Variants in CFAP61 observed in about 807,000 individuals in gnomAD.
CFAP61 encodes cilia and flagella associated protein 61, also known as cilia- and flagella-associated protein 61.
A neutral mutation model predicts 135.6 loss-of-function variants in CFAP61; 107 were observed. The ratio of observed to expected loss-of-function variants is 0.79; its 90% CI spans 0.67 to 0.93. CFAP61 has a LOEUF of 0.93. Ranked by LOEUF, CFAP61 falls within the 40% of genes least tolerant of loss-of-function variation. The pLI is 0.00. For missense variants in CFAP61, 1,507 were observed against 1,556.2 expected (o/e 0.97, Z 0.53); for synonymous variants, 575 against 578.5 (o/e 0.99, Z 0.09).
chr20:20,055,256 A>C (rs2044219358), intron 1 of CFAP61, among the ~76,000 whole-genome samples: 2 of 152,156 alleles, frequency 1.3e-5, no homozygotes, highest in Admixed American at 1.3e-4. Context: ...CTATCATCTA[A>C]AGTTCTTGGT....
At chr20:20,064,694 A>G (rs147922212) in intron 2 of CFAP61, among the ~76,000 whole-genome samples, 2 of 152,328 alleles carry the variant, frequency 1.3e-5, no homozygotes, top group East Asian at 1.9e-4. Context: ...GCAATTAACT[A>G]TGAAACTGTG....
At chr20:20,168,242 T>C (rs1008316314) in intron 12 of CFAP61, among the ~76,000 whole-genome samples, 2 of 151,916 alleles carry the variant, frequency 1.3e-5, no homozygotes, top group African/African-American at 4.8e-5. Flanking sequence ...AAAAAAAAAA[T>C]TGTAGAAATG....
intron 11 of CFAP61, among the ~76,000 whole-genome samples, chr20:20,166,017 C>T (rs912266859): frequency 3.3e-5 from 5 of 152,166 alleles, no homozygotes; most frequent in Non-Finnish European, 7.3e-5. Context: ...GAATGTACAT[C>T]TACAGCTAGT....
chr20:20,319,709 C>T (rs1374989095), intron 25 of CFAP61, among the ~76,000 whole-genome samples: 3 of 152,190 alleles, frequency 2.0e-5, no homozygotes, highest in Non-Finnish European at 4.4e-5. Context: ...TTCTTTATAG[C>T]AGTGCAAGAA....
At chr20:20,136,388 T>C (rs886372282) in intron 8 of CFAP61, among the ~76,000 whole-genome samples, 2 of 152,158 alleles carry the variant, frequency 1.3e-5, no homozygotes, top group Non-Finnish European at 2.9e-5. Flanking sequence ...CCTTTGAGGC[T>C]ATTTTCTAGA....
intron 26 of CFAP61, among the ~76,000 whole-genome samples, chr20:20,348,896 A>C (rs2122422363): frequency 6.6e-6 from 1 of 152,160 alleles, no homozygotes; most frequent in South Asian, 2.1e-4. Flanking sequence ...CTCAGTAATG[A>C]ATTACTGAAA....
chr20:20,090,957 A>C lies in CFAP61; in HGVS notation c.680A>C (p.Asn227Thr). 1 of 1,614,174 alleles carries C rather than the reference A, an allele frequency of 6.2e-7. No individual in the cohort carries two copies. Among genetic ancestry groups the C allele is most frequent in the South Asian group, 1.1e-5 (1 of 91,082 alleles). ...AELIEAQDEE[N>T]HAVVCEVEGT... ...CTAATAGAGGCCCAAGATGAAGAGA[A>C]TCATGCTGTTGTGTGTGAGGTCAGT... The change falls in exon 7 of 27, where the codon AAT becomes ACT. Residue 227 changes from asparagine to threonine, a missense_variant. Transcript: ENST00000245957.
chr20:20,347,268 A>C (rs977335744), intron 26 of CFAP61, among the ~76,000 whole-genome samples: 2 of 152,260 alleles, frequency 1.3e-5, no homozygotes, highest in Admixed American at 6.5e-5. Context: ...TAAAGCTATA[A>C]GTGCCTACAT....
chr20:20,268,205 C>G (rs2052955956), intron 21 of CFAP61, among the ~76,000 whole-genome samples: 2 of 152,196 alleles, frequency 1.3e-5, no homozygotes. Flanking sequence ...GCAAGGGAGC[C>G]AAGGACAGTG....
At chr20:20,183,318 T>C (rs568267991) in intron 13 of CFAP61, among the ~76,000 whole-genome samples, 16 of 152,158 alleles carry the variant, frequency 1.1e-4, no homozygotes, top group African/African-American at 3.9e-4. Context: ...TGAGCCACCA[T>C]GCACGGCTAA....
chr20:20,253,247 T>TC (rs1317572442), intron 20 of CFAP61: 5 of 151,610 alleles, frequency 3.3e-5, no homozygotes, highest in Admixed American at 2.0e-4. Context: ...CTTCCTTCCT[T>TC]CTTTCTTTCC....
chr20:20,079,920 G>T (rs1181066505), intron 6 of CFAP61, among the ~76,000 whole-genome samples: 1 of 151,944 alleles, frequency 6.6e-6, no homozygotes, highest in Non-Finnish European at 1.5e-5. Context: ...TGTCAGGGGA[G>T]GCAAATAGAC....
At chr20:20,100,014 T>C (rs547793915) in intron 8 of CFAP61, among the ~76,000 whole-genome samples, 1 of 152,228 alleles carries the variant, frequency 6.6e-6, no homozygotes, top group South Asian at 2.1e-4. Context: ...TTGGGGTCCT[T>C]ATTGTTTAAT....
chr20:20,334,459 A>AG (rs1354613342), intron 25 of CFAP61, among the ~76,000 whole-genome samples: 2 of 152,222 alleles, frequency 1.3e-5, no homozygotes, highest in African/African-American at 4.8e-5. Context: ...CAGGTAAACC[A>AG]GGATCATTGG....
chr20:20,122,214 C>A (rs766298644), intron 8 of CFAP61, among the ~76,000 whole-genome samples: 5 of 151,816 alleles, frequency 3.3e-5, no homozygotes, highest in Admixed American at 6.6e-5. Flanking sequence ...AGCGCAGTGG[C>A]ACAATCTTGG....
chr20:20,056,287 G>T (rs1014926766), intron 1 of CFAP61, among the ~76,000 whole-genome samples: 1 of 152,208 alleles, frequency 6.6e-6, no homozygotes, highest in Non-Finnish European at 1.5e-5. Context: ...ACATGCCATC[G>T]TGGCCGATTA....
chr20:20,073,261 G>A (rs764321563), intron 3 of CFAP61, among the ~76,000 whole-genome samples: 7 of 152,312 alleles, frequency 4.6e-5, no homozygotes, highest in East Asian at 3.9e-4. Flanking sequence ...AAATCATGTC[G>A]TCGTCATCGT....
chr20:20,104,250 CT>C (rs557188147), intron 8 of CFAP61, among the ~76,000 whole-genome samples: 1,576 of 148,860 alleles, frequency 0.011, 21 homozygotes, highest in Middle Eastern at 0.066. Context: ...TTGCCTTTAA[CT>C]TTTTTTTTTT....
intron 8 of CFAP61, among the ~76,000 whole-genome samples, chr20:20,121,630 A>T (rs952898678): frequency 6.6e-6 from 1 of 151,890 alleles, no homozygotes; most frequent in Non-Finnish European, 1.5e-5. Context: ...GAGTAACTGG[A>T]ATTACAGGCA....
Sources: gnomAD v4.1 joint callset for allele counts (sites outside exome capture counted in the v4.1 genomes callset) on GRCh38, gnomAD v4.1.1 for gene constraint, MANE v1.5 for transcripts, NCBI Gene and HGNC (gene_info 2026-07-23, HGNC 2026-07-21) for gene names.